The following EHBP1 variants were observed in gnomAD, a reference collection of about 807,000 sequenced individuals.
The protein encoded by EHBP1 is EH domain binding protein 1.
In EHBP1, 55 loss-of-function variants were observed where a neutral mutation model predicts 144.0. The ratio of observed to expected loss-of-function variants is 0.38; its 90% CI spans 0.31 to 0.48. The LOEUF (loss-of-function observed/expected upper bound fraction) is 0.48. Among genes scored for constraint, EHBP1 ranks in the 20% least tolerant of loss-of-function variants. The probability of loss-of-function intolerance (pLI) is 0.98; values close to 1 mark genes in which losing one functional copy is unlikely to be tolerated. For missense variants in EHBP1, 1,200 were observed against 1,364.2 expected, an observed-to-expected ratio of 0.88 and a Z score of 1.90; for synonymous variants, 469 against 472.7, an observed-to-expected ratio of 0.99 and a Z score of 0.10.
At chr2:63,000,811 C>A (rs2153228668) in intron 19 of EHBP1, among the ~76,000 whole-genome samples, 1 of 152,084 alleles carries the variant, frequency 6.6e-6, no homozygotes, top group East Asian at 1.9e-4. Context: ...TTCTCCTCAG[C>A]TCTTAATGGT....
upstream of EHBP1, among the ~76,000 whole-genome samples, chr2:62,702,919 A>T (rs765106075): frequency 2.0e-5 from 3 of 152,208 alleles, no homozygotes; most frequent in South Asian, 2.1e-4. Context: ...ATGCTTTAAG[A>T]AGCTGGGACT....
chr2:62,749,491 G>T (rs2039471029), intron 3 of EHBP1, among the ~76,000 whole-genome samples: 1 of 152,148 alleles, frequency 6.6e-6, no homozygotes, highest in African/African-American at 2.4e-5. Flanking sequence ...AATGCTTTGG[G>T]TATATACCCA....
At chr2:62,794,829 A>G (rs1276977402) in intron 5 of EHBP1, among the ~76,000 whole-genome samples, 7 of 152,034 alleles carry the variant, frequency 4.6e-5, no homozygotes, top group Non-Finnish European at 1.0e-4. Flanking sequence ...AAAACTCTAC[A>G]CTTCAAACTA....
intron 1 of EHBP1, among the ~76,000 whole-genome samples, chr2:62,685,002 A>T (rs569955733): frequency 6.6e-6 from 1 of 152,252 alleles, no homozygotes; most frequent in African/African-American, 2.4e-5. Flanking sequence ...AACAGTGGTT[A>T]CCAGAGGCTG....
intron 15 of EHBP1, among the ~76,000 whole-genome samples, chr2:62,986,588 A>G (rs1197638125): frequency 6.6e-6 from 1 of 150,774 alleles, no homozygotes; most frequent in Non-Finnish European, 1.5e-5. Context: ...ACAGGCGCAC[A>G]CCACCACACC....
At chr2:62,693,953 T>C (rs1316183881) in intron 1 of EHBP1, among the ~76,000 whole-genome samples, 2 of 152,242 alleles carry the variant, frequency 1.3e-5, no homozygotes, top group Non-Finnish European at 2.9e-5. Context: ...TCTGTTTTTT[T>C]CTTTTGTTGC....
Position 62,826,072 on chromosome 2 carries a change from T to C in EHBP1, c.313-15T>C. ...AACTCAAAATTACATACTTTTTTTTTCTTTAATCTTCCAGGAATCCCCTTC... is the reference window on the plus strand; with the variant it reads ...AACTCAAAATTACATACTTTTTTTTCCTTTAATCTTCCAGGAATCCCCTTC... On this transcript the variant is annotated splice_polypyrimidine_tract_variant and intron_variant, in intron 5 of 22. Coordinates refer to ENST00000431489, the MANE Select transcript of EHBP1 (RefSeq NM_001142616.3). 1 of 1,438,032 alleles carries C rather than the reference T, an allele frequency of 7.0e-7. No individual in the cohort carries two copies. The highest frequency in any genetic ancestry group is 9.2e-7 in the Non-Finnish European group (1 of 1,090,188). The allele number at this position is 1,438,032 out of a possible 1,614,324, so 89.1% of individuals were successfully genotyped here. A position where few individuals can be genotyped will look rare whatever the true frequency, so the allele number is the denominator to read the frequency against.
At chr2:62,783,469 T>G (rs772527542) in intron 5 of EHBP1, among the ~76,000 whole-genome samples, 1 of 152,242 alleles carries the variant, frequency 6.6e-6, no homozygotes, top group Non-Finnish European at 1.5e-5. Flanking sequence ...CAAACTTCTA[T>G]CTGGACATCC....
intron 10 of EHBP1, among the ~76,000 whole-genome samples, chr2:62,898,851 G>A (rs1338758688): frequency 2.0e-5 from 3 of 152,172 alleles, no homozygotes; most frequent in Non-Finnish European, 4.4e-5. Context: ...GAAAGAGAAT[G>A]TAAGGATAAT....
At chr2:62,967,100 A>G (rs569631149) in intron 14 of EHBP1, among the ~76,000 whole-genome samples, 7 of 152,170 alleles carry the variant, frequency 4.6e-5, no homozygotes, top group Non-Finnish European at 1.0e-4. Flanking sequence ...ATTCTTTATC[A>G]AATGCATTGA....
chr2:62,889,966 T>A (rs1025268012), intron 10 of EHBP1, among the ~76,000 whole-genome samples: 8 of 149,198 alleles, frequency 5.4e-5, no homozygotes, highest in African/African-American at 1.7e-4. Context: ...TGAATTTTTT[T>A]TTTTTTTTTT....
At chr2:62,747,272 T>C (rs1430761144) in intron 2 of EHBP1, 123 bp from the exon 3 acceptor site, 1 of 740,364 alleles carries the variant, frequency 1.4e-6, no homozygotes, top group Non-Finnish European at 2.2e-6. Flanking sequence ...GATAGAGCTT[T>C]ATTGTAACAG....
intron 7 of EHBP1, among the ~76,000 whole-genome samples, chr2:62,835,642 G>A (rs1457968109): frequency 1.3e-5 from 2 of 152,164 alleles, no homozygotes; most frequent in Non-Finnish European, 2.9e-5. Flanking sequence ...CGCGCACCGT[G>A]CGCGAGCCGA....
intron 4 of EHBP1, among the ~76,000 whole-genome samples, chr2:62,770,563 T>C (rs993637925): frequency 1.3e-5 from 2 of 152,160 alleles, no homozygotes; most frequent in African/African-American, 4.8e-5. Context: ...GTGGTAGGAA[T>C]GTAAATTAGT....
chr2:62,876,238 A>G (rs958337118), intron 10 of EHBP1, among the ~76,000 whole-genome samples: 17 of 152,184 alleles, frequency 1.1e-4, no homozygotes, highest in African/African-American at 3.9e-4. Context: ...GAGAAAGGGC[A>G]TGTCACCTTT....
intron 7 of EHBP1, among the ~76,000 whole-genome samples, chr2:62,835,963 G>C (rs1174275966): frequency 6.6e-6 from 1 of 151,528 alleles, no homozygotes; most frequent in Non-Finnish European, 1.5e-5. Flanking sequence ...AAAGCGGCCC[G>C]GAAGCTCGAA....
intron 1 of EHBP1, among the ~76,000 whole-genome samples, chr2:62,688,845 T>A (rs560296008): frequency 6.6e-6 from 1 of 152,312 alleles, no homozygotes; most frequent in African/African-American, 2.4e-5. Flanking sequence ...TTCATCTTCT[T>A]CACAAACTGG....
intron 14 of EHBP1, among the ~76,000 whole-genome samples, chr2:62,959,945 A>G (rs2057912653): frequency 6.6e-6 from 1 of 152,346 alleles, no homozygotes; most frequent in African/African-American, 2.4e-5. Context: ...CATGTAGTGC[A>G]TGGGACAATG....
At chr2:62,747,857 A>T (rs1034814135) in intron 3 of EHBP1, among the ~76,000 whole-genome samples, 1 of 152,002 alleles carries the variant, frequency 6.6e-6, no homozygotes, top group Non-Finnish European at 1.5e-5. Context: ...TCAATTAGGC[A>T]TCCTTATAAA....
Sources: gnomAD v4.1 joint callset for allele counts (sites outside exome capture counted in the v4.1 genomes callset) on GRCh38, gnomAD v4.1.1 for gene constraint, MANE v1.5 for transcripts, NCBI Gene and HGNC (gene_info 2026-07-23, HGNC 2026-07-21) for gene names.